Variants in SMAD4 observed in about 807,000 individuals in gnomAD.
SMAD4 encodes MAD homolog 4.
In SMAD4, 7 loss-of-function variants were observed where a neutral mutation model predicts 63.2. That is an observed-to-expected ratio of 0.11 (90% CI 0.06 to 0.21). SMAD4 has a LOEUF of 0.21. Among genes scored for constraint, SMAD4 ranks in the 10% least tolerant of loss-of-function variants. The pLI is 1.00. For missense variants in SMAD4, 312 were observed against 693.8 expected, an observed-to-expected ratio of 0.45 and a Z score of 6.18; for synonymous variants, 215 against 235.4, an observed-to-expected ratio of 0.91 and a Z score of 0.79.
At chr18:51,032,309 C>G (rs1229937312) in intron 1 of SMAD4, among the ~76,000 whole-genome samples, 2 of 151,822 alleles carry the variant, frequency 1.3e-5, no homozygotes, top group Admixed American at 1.3e-4. Flanking sequence ...GTGTATGTTT[C>G]TGTTTAGGTC....
chr18:51,042,858 A>G (rs1319917774), intron 1 of SMAD4, among the ~76,000 whole-genome samples: 1 of 152,142 alleles, frequency 6.6e-6, no homozygotes, highest in African/African-American at 2.4e-5. Flanking sequence ...AAGTTGTTTA[A>G]GAGTTCACCA....
rs578251698 is a variant in SMAD4, at chr18:51,046,069, A to G, written c.-127-851A>G. On this transcript the variant is annotated intron_variant, in intron 1 of 11. Coordinates refer to ENST00000342988, the MANE Select transcript of SMAD4 (RefSeq NM_005359.6). Reference sequence around the variant, plus strand: ...TGTATCCATTATGAACAACGCTGCTATGAACATTCATGTACAGGTTTGTGT... The same window carrying G: ...TGTATCCATTATGAACAACGCTGCTGTGAACATTCATGTACAGGTTTGTGT... Among the ~76,000 whole-genome samples, 343 of 152,306 alleles carry G rather than the reference A, an allele frequency of 2.3e-3. 4 individuals carry two copies. The highest frequency in any genetic ancestry group is 7.9e-3 in the African/African-American group (328 of 41,564).
At chr18:51,069,118 GTAT>G (rs1038599468) in intron 10 of SMAD4, among the ~76,000 whole-genome samples, 2 of 152,014 alleles carry the variant, frequency 1.3e-5, no homozygotes, top group African/African-American at 2.4e-5. Flanking sequence ...TATTTATGCT[GTAT>G]TATTATTATT....
intron 5 of SMAD4, among the ~76,000 whole-genome samples, chr18:51,056,096 C>T (rs1225700244): frequency 6.6e-6 from 1 of 152,142 alleles, no homozygotes; most frequent in East Asian, 1.9e-4. Context: ...ACTTGAGAAC[C>T]CAGTTCCTTA....
At position 51,080,739 on chromosome 18, in the gene SMAD4, G is replaced by C. The variant is rs189547031; in HGVS notation, c.*2272G>C. The C allele has an allele frequency of 5.8e-6, 1 of 172,424 alleles. No individual in the cohort carries two copies. The highest frequency in any genetic ancestry group is 1.3e-5 in the Non-Finnish European group (1 of 79,586). 10.7% of individuals were successfully genotyped at this position (172,424 alleles called of 1,614,324 possible). ...GTAGTTTTAGTAGAGACGGGGTTTT[G>C]CCTGTTGGCCAGGCTGGTCTTGAAC... On this transcript the variant is annotated 3_prime_UTR_variant, in exon 12 of 12. Transcript: ENST00000342988.
At chr18:51,032,350 A>G (rs1450138043) in intron 1 of SMAD4, among the ~76,000 whole-genome samples, 1 of 152,204 alleles carries the variant, frequency 6.6e-6, no homozygotes, top group African/African-American at 2.4e-5. Flanking sequence ...TGAGTTTAGA[A>G]AAAACCAAAC....
intron 4 of SMAD4, among the ~76,000 whole-genome samples, chr18:51,049,762 A>G (rs75485786): frequency 6.6e-6 from 1 of 152,196 alleles, no homozygotes; most frequent in Admixed American, 6.5e-5. Flanking sequence ...TAACATTTTT[A>G]TGAATGATAA....
intron 8 of SMAD4, 51 bp from the exon 9 acceptor site, chr18:51,065,372 G>T: frequency 2.7e-6 from 4 of 1,489,144 alleles, no homozygotes; most frequent in East Asian, 2.3e-5. Flanking sequence ...GCAAGTGAAA[G>T]CCTTATATCT....
chr18:51,045,314 T>C (rs1280152022), intron 1 of SMAD4, among the ~76,000 whole-genome samples: 3 of 152,142 alleles, frequency 2.0e-5, no homozygotes, highest in Non-Finnish European at 4.4e-5. Flanking sequence ...GGAGGATACT[T>C]TAAGGATTCA....
chr18:51,052,072 A>G (rs957608374), intron 4 of SMAD4, among the ~76,000 whole-genome samples: 1 of 151,982 alleles, frequency 6.6e-6, no homozygotes, highest in East Asian at 1.9e-4. Flanking sequence ...TCAGCCTCCC[A>G]AAGTGCTGGG....
chr18:51,046,441 T>G (rs973303318), intron 1 of SMAD4, among the ~76,000 whole-genome samples: 13 of 151,616 alleles, frequency 8.6e-5, no homozygotes, highest in Non-Finnish European at 1.8e-4. Context: ...ATTGGGGTTT[T>G]TTTTTTTTTT....
intron 8 of SMAD4, among the ~76,000 whole-genome samples, chr18:51,060,346 T>A (rs1226749434): frequency 6.6e-6 from 1 of 152,220 alleles, no homozygotes; most frequent in African/African-American, 2.4e-5. Flanking sequence ...TTGATTAAAT[T>A]GTATGCAAAA....
intron 4 of SMAD4, chr18:51,054,560 A>C: frequency 1.9e-6 from 1 of 520,084 alleles, no homozygotes; most frequent in Non-Finnish European, 3.4e-6. Context: ...TTTGAGAGTC[A>C]GATTGATTGA....
chr18:51,083,938 T>C lies in SMAD4; in HGVS notation c.*5471T>C, dbSNP rs957392296. 2 of 230,970 alleles carry C rather than the reference T, an allele frequency of 8.7e-6. No individual in the cohort carries two copies. Among genetic ancestry groups the C allele is most frequent in the African/African-American group, 2.2e-5 (1 of 45,108 alleles). The allele number at this position is 230,970 out of a possible 1,614,324, so 14.3% of individuals were successfully genotyped here. On this transcript the variant is annotated 3_prime_UTR_variant, in exon 12 of 12. Transcript: ENST00000342988. Reference sequence around the variant, plus strand: ...AGGTTACATAGTATGCCCTTAAGACTTAATTTTAACCAAAGGCCTAGCACC... The same window carrying C: ...AGGTTACATAGTATGCCCTTAAGACCTAATTTTAACCAAAGGCCTAGCACC...
At chr18:51,076,591 G>T (rs2144473263) in intron 10 of SMAD4, 47 bp from the exon 11 acceptor site, 1 of 1,581,740 alleles carries the variant, frequency 6.3e-7, no homozygotes, top group Admixed American at 1.7e-5. Flanking sequence ...TTAATGTATG[G>T]AATTTTTCTT....
chr18:51,044,133 C>T (rs1419716436), intron 1 of SMAD4, among the ~76,000 whole-genome samples: 2 of 152,060 alleles, frequency 1.3e-5, no homozygotes, highest in African/African-American at 4.8e-5. Flanking sequence ...ACGTATCTTT[C>T]CTTTTCCCTC....
chr18:51,062,903 G>A (rs1051021805), intron 8 of SMAD4, among the ~76,000 whole-genome samples: 3 of 126,348 alleles, frequency 2.4e-5, no homozygotes, highest in Non-Finnish European at 3.2e-5. Flanking sequence ...TGTCACCCAG[G>A]CTGGAGTGCA....
chr18:51,042,348 T>C (rs1290597709), intron 1 of SMAD4, among the ~76,000 whole-genome samples: 1 of 134,116 alleles, frequency 7.5e-6, no homozygotes, highest in Non-Finnish European at 1.6e-5. Context: ...TCTCTCTTTC[T>C]CTCTGTTTTC....
rs2144484228 is a variant in SMAD4, at chr18:51,080,458, G to T, written c.*1991G>T. On this transcript the variant is annotated 3_prime_UTR_variant, in exon 12 of 12. Transcript: ENST00000342988. ...TTTAGGTCCATTTTACTGTGAATGA[G>T]GAATAGGAGTGAGTTTTAGAATAAC... The T allele has an allele frequency of 4.4e-6, 1 of 228,224 alleles. No individual in the cohort carries two copies. The highest frequency in any genetic ancestry group is 5.7e-5 in the Admixed American group (1 of 17,642). The allele number at this position is 228,224 out of a possible 1,614,324, so 14.1% of individuals were successfully genotyped here. A position where few individuals can be genotyped will look rare whatever the true frequency, so the allele number is the denominator to read the frequency against.
Sources: allele counts gnomAD v4.1 joint callset (sites outside exome capture counted in the v4.1 genomes callset), GRCh38; gene constraint gnomAD v4.1.1; transcripts MANE v1.5; gene names NCBI Gene and HGNC (gene_info 2026-07-23, HGNC 2026-07-21).